C14orf132: variants seen among roughly 807,000 people sequenced by gnomAD.
C14orf132 encodes the protein uncharacterized protein C14orf132.
In C14orf132, 6 loss-of-function variants were observed where a neutral mutation model predicts 5.8. The observed-to-expected ratio is 1.03, with a 90% CI of 0.57 to 2.04. The LOEUF (loss-of-function observed/expected upper bound fraction) is 2.04, where lower values mean the gene tolerates loss of function less well. Among genes scored for constraint, C14orf132 ranks in the 30% most tolerant of loss-of-function variants. The pLI, the probability that C14orf132 is intolerant of heterozygous loss-of-function variation, is 0.00. For missense variants in C14orf132, 125 were observed against 115.8 expected, an observed-to-expected ratio of 1.08 and a Z score of -0.37; for synonymous variants, 51 against 49.8, an observed-to-expected ratio of 1.02 and a Z score of -0.10.
chr14:96,085,622 C>T (rs963475808), intron 1 of C14orf132, among the ~76,000 whole-genome samples: 3 of 152,190 alleles, frequency 2.0e-5, no homozygotes, highest in African/African-American at 7.2e-5. Context: ...AATTAGGGAA[C>T]CTCTTCTAGC....
chr14:96,093,402 G>A lies in C14orf132; in HGVS notation c.*6667G>A, dbSNP rs1179788311. 2.0e-5 allele frequency: 3 copies of A among 152,238 alleles called. No individual in the cohort carries two copies. Among genetic ancestry groups the A allele is most frequent in the African/African-American group, 4.8e-5 (2 of 41,444 alleles). The allele number at this position is 152,238 out of a possible 1,614,324, so 9.4% of individuals were successfully genotyped here. ...AATGGGGTGGGCATGGGAGTGCTGG[G>A]TAGCAGCCTTTGAGCAAATCTGCAT... On this transcript the variant is annotated 3_prime_UTR_variant, in exon 2 of 2. Coordinates refer to ENST00000555004, the MANE Select transcript of C14orf132 (RefSeq NM_001252507.3).
At chr14:96,085,464 C>T (rs899982106) in intron 1 of C14orf132, among the ~76,000 whole-genome samples, 25 of 152,308 alleles carry the variant, frequency 1.6e-4, no homozygotes, top group African/African-American at 5.8e-4. Flanking sequence ...CTGCTGTGTC[C>T]GGGATCACCC....
chr14:96,090,592 T>C lies in C14orf132; in HGVS notation c.*3857T>C, dbSNP rs1023585621. The stretch of plus-strand genomic sequence containing the variant: ...TCCAAGCCAATGCTGTCCTTCCCCT[T>C]TCCCATGAAATCAAGGTCAAGAGGC... On this transcript the variant is annotated 3_prime_UTR_variant, in exon 2 of 2. Coordinates refer to ENST00000555004, the MANE Select transcript of C14orf132 (RefSeq NM_001252507.3). 27 of 455,776 alleles carry C rather than the reference T, an allele frequency of 5.9e-5. No individual in the cohort carries two copies. Among genetic ancestry groups the C allele is most frequent in the Admixed American group, 5.9e-4 (25 of 42,540 alleles). 28.2% of individuals were successfully genotyped at this position (455,776 alleles called of 1,614,324 possible).
rs1319013330 is a variant in C14orf132, at chr14:96,086,662, T to G, written c.179T>G (p.Leu60Trp). ...CCTCGGTCCTCCAACGACGCCGTCT[T>G]GCTATGGATTGCCATCATAGCTACG... ...DPPRSSNDAV[L>W]LWIAIIATLG... Residue 60 changes from leucine to tryptophan, a missense_variant, in exon 2 of 2, where the codon TTG becomes TGG. Leu to Trp is a moderately conservative substitution (Grantham distance 61, BLOSUM62 -2). Transcript: ENST00000555004. 2.0e-6 allele frequency: 3 copies of G among 1,536,184 alleles called. No homozygotes were observed. The highest frequency in any genetic ancestry group is 2.6e-6 in the Non-Finnish European group (3 of 1,146,920).
At chr14:96,070,596 TCACA>T (rs77447486) in intron 1 of C14orf132, among the ~76,000 whole-genome samples, 7,821 of 142,514 alleles carry the variant, frequency 0.055, 206 homozygotes, top group African/African-American at 0.069. Flanking sequence ...TCTCTCTCTC[TCACA>T]CACACACACA....
At chr14:96,076,614 G>A (rs1222085646) in intron 1 of C14orf132, among the ~76,000 whole-genome samples, 1 of 102,984 alleles carries the variant, frequency 9.7e-6, no homozygotes, top group East Asian at 1.0e-3. Flanking sequence ...GATAGCTGAT[G>A]AGAAAAAAAA....
intron 1 of C14orf132, among the ~76,000 whole-genome samples, chr14:96,049,959 A>C (rs1341277999): frequency 6.6e-6 from 1 of 152,060 alleles, no homozygotes; most frequent in Non-Finnish European, 1.5e-5. Flanking sequence ...ATAAAAACAT[A>C]TCTCTTCCAT....
Position 96,090,856 on chromosome 14 carries a change from G to T in C14orf132, c.*4121G>T. ...AGAGGCTCAGTGGAGTCTGTCTGTT[G>T]TCAGCACTGCTGCCTGATCCCTGCA... On this transcript the variant is annotated 3_prime_UTR_variant, in exon 2 of 2. Coordinates refer to ENST00000555004, the MANE Select transcript of C14orf132 (RefSeq NM_001252507.3). 1 of 456,122 alleles carries T rather than the reference G, an allele frequency of 2.2e-6. No homozygotes were observed. The allele number at this position is 456,122 out of a possible 1,614,324, so 28.3% of individuals were successfully genotyped here. A position where few individuals can be genotyped will look rare whatever the true frequency, so the allele number is the denominator to read the frequency against.
intron 1 of C14orf132, among the ~76,000 whole-genome samples, chr14:96,083,887 C>T (rs966747154): frequency 1.3e-5 from 2 of 152,188 alleles, no homozygotes; most frequent in African/African-American, 4.8e-5. Flanking sequence ...GGCTGGAGGG[C>T]ATCACCCTGA....
chr14:96,090,986 T>C lies in C14orf132; in HGVS notation c.*4251T>C, dbSNP rs567917375. ...TACCGGTGCCAGTTTTGCACATCTT[T>C]TTGTTGCTCTATTTGTGTCTCATTT... On this transcript the variant is annotated 3_prime_UTR_variant, in exon 2 of 2. Coordinates refer to ENST00000555004, the MANE Select transcript of C14orf132 (RefSeq NM_001252507.3). 1.6e-4 allele frequency: 73 copies of C among 456,144 alleles called. No homozygotes were observed. In the Middle Eastern group the frequency reaches 2.6e-3, roughly 16 times the overall value. The allele number at this position is 456,144 out of a possible 1,614,324, so 28.3% of individuals were successfully genotyped here. A position where few individuals can be genotyped will look rare whatever the true frequency, so the allele number is the denominator to read the frequency against.
intron 1 of C14orf132, among the ~76,000 whole-genome samples, chr14:96,081,139 A>G (rs1888020559): frequency 6.6e-6 from 1 of 152,296 alleles, no homozygotes; most frequent in South Asian, 2.1e-4. Flanking sequence ...TTCACAATCC[A>G]AGTTGGTACT....
At chr14:96,083,105 GT>G (rs1888077804) in intron 1 of C14orf132, among the ~76,000 whole-genome samples, 1 of 152,228 alleles carries the variant, frequency 6.6e-6, no homozygotes, top group Non-Finnish European at 1.5e-5. Context: ...CATGAGGCCT[GT>G]CCCACGGCTG....
intron 1 of C14orf132, among the ~76,000 whole-genome samples, chr14:96,081,133 C>A (rs557001333): frequency 6.6e-6 from 1 of 152,320 alleles, no homozygotes; most frequent in Admixed American, 6.5e-5. Flanking sequence ...TCTGGCTTCA[C>A]AATCCAAGTT....
chr14:96,073,495 C>T (rs970860202), intron 1 of C14orf132, among the ~76,000 whole-genome samples: 6 of 152,216 alleles, frequency 3.9e-5, no homozygotes, highest in African/African-American at 1.2e-4. Context: ...TACCATCTCA[C>T]GCCAGTCAGA....
intron 1 of C14orf132, among the ~76,000 whole-genome samples, chr14:96,056,545 C>G (rs184388825): frequency 6.6e-6 from 1 of 152,170 alleles, no homozygotes; most frequent in Non-Finnish European, 1.5e-5. Flanking sequence ...GCACATCACC[C>G]ATCTTCCTGA....
At position 96,092,921 on chromosome 14, in the gene C14orf132, C is replaced by T. The variant is rs187306658; in HGVS notation, c.*6186C>T. ...GAGGCCAGGGATGCCACCGAACATC[C>T]TACAATGCACAGGGCAGCCCCCCAC... On this transcript the variant is annotated 3_prime_UTR_variant, in exon 2 of 2. Transcript: ENST00000555004. The T allele has an allele frequency of 6.6e-6, 1 of 152,326 alleles. No individual in the cohort carries two copies. Among genetic ancestry groups the T allele is most frequent in the East Asian group, 1.9e-4 (1 of 5,188 alleles). 9.4% of individuals were successfully genotyped at this position (152,326 alleles called of 1,614,324 possible). A position where few individuals can be genotyped will look rare whatever the true frequency, so the allele number is the denominator to read the frequency against.
intron 1 of C14orf132, chr14:96,040,258 T>C: frequency 2.5e-6 from 1 of 397,272 alleles, no homozygotes; most frequent in Non-Finnish European, 4.4e-6. Context: ...TTCTGTGCCT[T>C]AACTCTCTTG....
intron 1 of C14orf132, among the ~76,000 whole-genome samples, chr14:96,054,107 G>A (rs771597038): frequency 4.6e-5 from 7 of 152,162 alleles, no homozygotes; most frequent in Non-Finnish European, 1.0e-4. Context: ...ATTCTGGGAT[G>A]CTGACCAAAC....
At chr14:96,078,490 G>A (rs1188098313) in intron 1 of C14orf132, among the ~76,000 whole-genome samples, 1 of 152,194 alleles carries the variant, frequency 6.6e-6, no homozygotes, top group Non-Finnish European at 1.5e-5. Context: ...CCCCGAGCCA[G>A]CTGTTGCCGC....
Sources: allele counts gnomAD v4.1 joint callset (sites outside exome capture counted in the v4.1 genomes callset), GRCh38; gene constraint gnomAD v4.1.1; transcripts MANE v1.5; gene names NCBI Gene and HGNC (gene_info 2026-07-23, HGNC 2026-07-21).